The following TMEM260 variants were observed in gnomAD, a reference collection of about 807,000 sequenced individuals.
TMEM260 encodes the protein transmembrane protein 260, also known as protein O-mannosyl-transferase TMEM260.
A neutral mutation model predicts 88.9 loss-of-function variants in TMEM260; 82 were observed. That is an observed-to-expected ratio of 0.92 (90% confidence interval 0.77 to 1.11). TMEM260 has a LOEUF of 1.11. Among genes scored for constraint, TMEM260 ranks in the 50% least tolerant of loss-of-function variants. TMEM260 has a pLI of 0.00. For synonymous variants in TMEM260, 314 were observed against 309.3 expected (o/e 1.02, Z -0.16); for missense variants, 902 against 853.4 (o/e 1.06, Z -0.71).
chr14:56,611,210 C>T (rs1459882656), intron 6 of TMEM260, among the ~76,000 whole-genome samples: 1 of 151,998 alleles, frequency 6.6e-6, no homozygotes, highest in African/African-American at 2.4e-5. Flanking sequence ...TTGTGATCCG[C>T]CCACCTCGGC....
In TMEM260 at chr14:56,642,834, A is replaced by G. The variant is rs1819868775; in HGVS notation, c.1870-4409A>G. Reference sequence around the variant, plus strand: ...AAAAAATGACAAAGGGGATATCACCATCAATCCCACAGAAATACAAACTAC... The same window carrying G: ...AAAAAATGACAAAGGGGATATCACCGTCAATCCCACAGAAATACAAACTAC... On this transcript the variant is annotated intron_variant, in intron 15 of 15. Coordinates refer to ENST00000261556, the MANE Select transcript of TMEM260 (RefSeq NM_017799.4). 2.0e-5 allele frequency among the ~76,000 whole-genome samples: 3 copies of G among 152,234 alleles called. No homozygotes were observed. In the South Asian group the frequency reaches 6.2e-4, roughly 32 times the overall value.
At position 56,595,489 on chromosome 14, in the gene TMEM260, C is replaced by A. The variant is rs140043114; in HGVS notation, c.345-8326C>A. Among the ~76,000 whole-genome samples, 577 of 152,008 alleles carry A rather than the reference C, an allele frequency of 3.8e-3. 2 individuals are homozygous for A. Among genetic ancestry groups the A allele is most frequent in the African/African-American group, 0.012 (509 of 41,476 alleles). On this transcript the variant is annotated intron_variant, in intron 3 of 15. Transcript: ENST00000261556. ...GTGAACCTATATTTTATTTTATTTT[C>A]TTTTTTGGAGTCAAGGATATCACTC...
intron 12 of TMEM260, 82 bp downstream of exon 12, chr14:56,625,612 A>C (rs891820837): frequency 2.1e-5 from 23 of 1,108,306 alleles, no homozygotes; most frequent in Non-Finnish European, 2.3e-5. Context: ...TGCATCATCC[A>C]AAAGACCAAT....
chr14:56,579,788 G>A, upstream of TMEM260: 1 of 902,204 alleles, frequency 1.1e-6, no homozygotes, highest in Non-Finnish European at 1.5e-6. Flanking sequence ...GGTCCAACCC[G>A]CGGAGGCTCG....
chr14:56,617,055 G>A (rs1037352872), intron 8 of TMEM260, 128 bp from the exon 9 acceptor site: 33 of 495,244 alleles, frequency 6.7e-5, no homozygotes, highest in Non-Finnish European at 1.0e-4. Context: ...TTTAAAAACC[G>A]AAATCTCTCT....
intron 12 of TMEM260, among the ~76,000 whole-genome samples, chr14:56,628,962 C>G (rs1640604205): frequency 6.6e-6 from 1 of 151,204 alleles, no homozygotes; most frequent in Admixed American, 6.6e-5. Flanking sequence ...GTGGCACAAT[C>G]TTGGCTCACT....
At position 56,612,129 on chromosome 14, in the gene TMEM260, A is replaced by G. The variant is rs1887318344; in HGVS notation, c.817-116A>G. ...AACCTGTAGAGGTACCCCGAAACCT[A>G]AAATTAAAAAATTGTTTTAAGAAAA... On this transcript the variant is annotated intron_variant, in intron 6 of 15. Transcript: ENST00000261556. The G allele has an allele frequency of 1.3e-5, 13 of 1,028,728 alleles. No homozygotes were observed. In the South Asian group the frequency reaches 1.4e-4, roughly 11 times the overall value. 63.7% of individuals were successfully genotyped at this position (1,028,728 alleles called of 1,614,324 possible). A position where few individuals can be genotyped will look rare whatever the true frequency, so the allele number is the denominator to read the frequency against.
downstream of TMEM260, among the ~76,000 whole-genome samples, chr14:56,652,104 G>A (rs1742695573): frequency 6.6e-6 from 1 of 152,298 alleles, no homozygotes; most frequent in South Asian, 2.1e-4. Flanking sequence ...ACTGAAAGGG[G>A]AACACTGCTT....
chr14:56,623,745 G>T lies in TMEM260; in HGVS notation c.1399-1637G>T, dbSNP rs564343167. 2.0e-5 allele frequency among the ~76,000 whole-genome samples: 3 copies of T among 152,284 alleles called. No homozygotes were observed. In the East Asian group the frequency reaches 5.8e-4, roughly 29 times the overall value. On this transcript the variant is annotated intron_variant, in intron 11 of 15. Transcript: ENST00000261556. The stretch of plus-strand genomic sequence containing the variant: ...TATCCTCCAGAACCAGAACTATTGG[G>T]TAATAAAGCCTAATTCAGTAAGTAT...
chr14:56,650,401 T>TG (rs1305536167), downstream of TMEM260: 1 of 201,828 alleles, frequency 5.0e-6, no homozygotes, highest in Non-Finnish European at 1.0e-5. Context: ...AACCACTGGG[T>TG]GGGCTACACT....
chr14:56,654,928 G>A (rs947498388), downstream of TMEM260, among the ~76,000 whole-genome samples: 3 of 151,818 alleles, frequency 2.0e-5, no homozygotes, highest in Middle Eastern at 3.4e-3. Context: ...CAGTGTGTAG[G>A]TGACAATGAT....
intron 14 of TMEM260, 141 bp downstream of exon 14, chr14:56,635,093 G>A (rs926691375): frequency 5.7e-6 from 4 of 697,108 alleles, no homozygotes; most frequent in Non-Finnish European, 1.0e-5. Context: ...TTGAGGCACT[G>A]TACTAATCAT....
the TMEM260 span, among the ~76,000 whole-genome samples, chr14:56,659,677 C>T: frequency 3.3e-5 from 5 of 152,198 alleles, no homozygotes; most frequent in South Asian, 2.1e-4. Context: ...TCTTCCAGTC[C>T]GGGTTTCTCT....
At chr14:56,621,355 T>A (rs190737874) in intron 10 of TMEM260, among the ~76,000 whole-genome samples, 176 bp from the exon 11 acceptor site, 1 of 152,318 alleles carries the variant, frequency 6.6e-6, no homozygotes, top group Non-Finnish European at 1.5e-5. Context: ...CACAATTAGC[T>A]GCTGCTTATC....
At chr14:56,603,517 G>C (rs895247256) in intron 3 of TMEM260, among the ~76,000 whole-genome samples, 2 of 152,106 alleles carry the variant, frequency 1.3e-5, no homozygotes, top group African/African-American at 2.4e-5. Flanking sequence ...TGTTCTCTCT[G>C]TAGCTACTGT....
At chr14:56,621,853 A>G in intron 11 of TMEM260, 151 bp downstream of exon 11, 2 of 554,350 alleles carry the variant, frequency 3.6e-6, no homozygotes, top group Non-Finnish European at 5.8e-6. Flanking sequence ...TAGGTAGAAT[A>G]TATATGGGCA....
chr14:56,645,167 T>C (rs547726032), intron 15 of TMEM260, among the ~76,000 whole-genome samples: 2,789 of 151,122 alleles, frequency 0.018, 96 homozygotes, highest in African/African-American at 0.063. Context: ...GGATTATAAA[T>C]CATGCTGCTA....
At chr14:56,609,037 G>A (rs1887085492) in intron 5 of TMEM260, 69 bp from the exon 6 acceptor site, 1 of 1,490,520 alleles carries the variant, frequency 6.7e-7, no homozygotes, top group Non-Finnish European at 9.2e-7. Flanking sequence ...TCCTTGATAT[G>A]TTCTTGAAGT....
intron 6 of TMEM260, 96 bp downstream of exon 6, chr14:56,609,381 A>G: frequency 8.7e-7 from 1 of 1,150,596 alleles, no homozygotes; most frequent in Non-Finnish European, 1.2e-6. Flanking sequence ...TGTCAATGAC[A>G]GTAGATCAAA....
Sources: gnomAD v4.1 joint callset for allele counts (sites outside exome capture counted in the v4.1 genomes callset) on GRCh38, gnomAD v4.1.1 for gene constraint, MANE v1.5 for transcripts, NCBI Gene and HGNC (gene_info 2026-07-23, HGNC 2026-07-21) for gene names.